DNAH11: variants seen among roughly 807,000 people sequenced by gnomAD.
DNAH11 encodes dynein axonemal heavy chain 11.
Under a neutral mutation model 526.0 loss-of-function variants are expected in DNAH11, and 442 were observed. The observed-to-expected ratio is 0.84, with a 90% CI of 0.78 to 0.91. The LOEUF is 0.91. Ranked by LOEUF, DNAH11 falls within the 40% of genes least tolerant of loss-of-function variation. The pLI, the probability that DNAH11 is intolerant of heterozygous loss-of-function variation, is 0.00. For missense variants in DNAH11, 6,989 were observed against 5,448.7 expected, an observed-to-expected ratio of 1.28 and a Z score of -8.90; for synonymous variants, 2,461 against 1,935.9, an observed-to-expected ratio of 1.27 and a Z score of -7.12.
chr7:21,808,075 G>T (rs1400543072), intron 63 of DNAH11, 26 bp downstream of exon 63: 1 of 1,394,744 alleles, frequency 7.2e-7, no homozygotes, highest in Non-Finnish European at 9.5e-7. Flanking sequence ...TACCTTGTCA[G>T]CAGGTAGAAA....
At chr7:21,834,451 C>A (rs1781914078) in intron 65 of DNAH11, among the ~76,000 whole-genome samples, 1 of 151,964 alleles carries the variant, frequency 6.6e-6, no homozygotes, top group Non-Finnish European at 1.5e-5. Flanking sequence ...ACAAACTAAA[C>A]CCAAAATTAG....
In DNAH11 at chr7:21,779,118, C is replaced by G. The variant is rs776804231; in HGVS notation, c.9483+14C>G. The G allele has an allele frequency of 5.0e-6, 8 of 1,608,192 alleles. No individual in the cohort carries two copies. The highest frequency in any genetic ancestry group is 4.0e-5 in the African/African-American group (3 of 74,890). On this transcript the variant is annotated intron_variant, in intron 57 of 81. Transcript: ENST00000409508. ...GAGGAGCGAAAGGTCAGGCTAATTC[C>G]AACATTTAGAGTGCGGAGCTATATT...
rs556828049 is a variant in DNAH11 at position 21,690,789 on chromosome 7, C to T, written c.5949C>T (p.Ile1983=). The stretch of plus-strand genomic sequence containing the variant: ...GATTTGTATTTCTTGGGGAAGCTAT[C>T]ACACTGAAGCCATCAGTTGGAATAT... ...KKRFVFLGEA[I]TLKPSVGIFI... Residue 1983 remains isoleucine, a synonymous_variant, in exon 35 of 82, where the codon ATC becomes ATT. Transcript: ENST00000409508. 1.2e-6 allele frequency: 2 copies of T among 1,609,652 alleles called. No homozygotes were observed. Among genetic ancestry groups the T allele is most frequent in the Admixed American group, 1.7e-5 (1 of 59,134 alleles).
At position 21,704,321 on chromosome 7, in the gene DNAH11, G is replaced by A. The variant is rs1344336125; in HGVS notation, c.6274-113G>A. On this transcript the variant is annotated intron_variant, in intron 37 of 81. Coordinates refer to ENST00000409508, the MANE Select transcript of DNAH11 (RefSeq NM_001277115.2). ...TAGAATGCCATCTTAATGGAGAACA[G>A]TACCAATATCTCATGCTTCACATAT... 4.7e-6 allele frequency: 5 copies of A among 1,059,346 alleles called. No homozygotes were observed. The Admixed American group carries it at 1.0e-4, about 22-fold the overall frequency. The allele number at this position is 1,059,346 out of a possible 1,614,324, so 65.6% of individuals were successfully genotyped here. A position where few individuals can be genotyped will look rare whatever the true frequency, so the allele number is the denominator to read the frequency against.
At chr7:21,570,511 A>G (rs933570976) in intron 7 of DNAH11, 3 of 439,548 alleles carry the variant, frequency 6.8e-6, no homozygotes, top group African/African-American at 4.1e-5. Flanking sequence ...TTCATTTTTG[A>G]TTCCATTATT....
intron 74 of DNAH11, among the ~76,000 whole-genome samples, chr7:21,878,409 G>A (rs999357719): frequency 2.0e-5 from 3 of 152,170 alleles, no homozygotes; most frequent in Non-Finnish European, 4.4e-5. Flanking sequence ...TGATTTGTTA[G>A]ATCATAATTC....
At chr7:21,656,054 A>C in intron 29 of DNAH11, 73 bp downstream of exon 29, 3 of 1,456,796 alleles carry the variant, frequency 2.1e-6, no homozygotes, top group Admixed American at 5.1e-5. Context: ...TGAGTTCAAC[A>C]AGCAAAAAAT....
In DNAH11 at chr7:21,561,019, T is replaced by C. The variant is rs1783436841; in HGVS notation, c.883-52T>C. On this transcript the variant is annotated intron_variant, in intron 4 of 81. Transcript: ENST00000409508. ...TATTTTATTACAGAATGCATGTATT[T>C]AGTAATCGAGTTTATATTTATTAAA... The C allele has an allele frequency of 8.1e-6, 10 of 1,238,510 alleles. No individual in the cohort carries two copies. In the East Asian group the frequency reaches 2.5e-4, roughly 31 times the overall value. The allele number at this position is 1,238,510 out of a possible 1,614,324, so 76.7% of individuals were successfully genotyped here.
At chr7:21,878,954 C>G (rs976709085) in intron 74 of DNAH11, among the ~76,000 whole-genome samples, 5 of 152,206 alleles carry the variant, frequency 3.3e-5, no homozygotes, top group African/African-American at 1.2e-4. Context: ...TCTTCCTCCC[C>G]TGTTGCTCAA....
chr7:21,589,104 T>G lies in DNAH11; in HGVS notation c.1974-104T>G, dbSNP rs922599453. ...GGTCTTGACTGTTTCTCTTCCTGGT[T>G]GTTTATAGTGTATTATATTTTATAT... On this transcript the variant is annotated intron_variant, in intron 11 of 81. Coordinates refer to ENST00000409508, the MANE Select transcript of DNAH11 (RefSeq NM_001277115.2). The G allele has an allele frequency of 2.5e-5, 22 of 864,704 alleles. No individual in the cohort carries two copies. The African/African-American group carries it at 2.9e-4, about 11-fold the overall frequency. 53.6% of individuals were successfully genotyped at this position (864,704 alleles called of 1,614,324 possible). A position where few individuals can be genotyped will look rare whatever the true frequency, so the allele number is the denominator to read the frequency against.
chr7:21,849,507 G>C (rs1022883127), intron 66 of DNAH11, among the ~76,000 whole-genome samples: 2 of 152,154 alleles, frequency 1.3e-5, no homozygotes, highest in Admixed American at 6.5e-5. Context: ...CAGGTCTACT[G>C]ACAACAAAAT....
At chr7:21,854,506 T>A (rs1297152100) in intron 68 of DNAH11, 51 bp downstream of exon 68, 1 of 1,537,564 alleles carries the variant, frequency 6.5e-7, no homozygotes, top group East Asian at 2.3e-5. Context: ...GTTCAATTTG[T>A]TTCTGGAACA....
At chr7:21,900,159 A>C (rs1317981685) in intron 81 of DNAH11, 39 bp downstream of exon 81, 3 of 1,577,274 alleles carry the variant, frequency 1.9e-6, no homozygotes, top group Non-Finnish European at 1.7e-6. Context: ...ACCTTTTCTT[A>C]CTCAGGTTCA....
chr7:21,851,755 G>C, intron 66 of DNAH11: 1 of 439,240 alleles, frequency 2.3e-6, no homozygotes, highest in Admixed American at 2.6e-5. Flanking sequence ...GTGTTTGCCT[G>C]TTTTTAGGAT....
intron 25 of DNAH11, among the ~76,000 whole-genome samples, chr7:21,633,542 AT>A (rs1786718634): frequency 6.6e-6 from 1 of 152,100 alleles, no homozygotes; most frequent in Non-Finnish European, 1.5e-5. Context: ...TTAAATTGTG[AT>A]TTTTTACTTT....
At position 21,725,977 on chromosome 7, in the gene DNAH11, C is replaced by A; in HGVS notation, c.7433C>A (p.Pro2478His). 6.4e-7 allele frequency: 1 copy of A among 1,551,182 alleles called. No homozygotes were observed. Among genetic ancestry groups the A allele is most frequent in the African/African-American group, 1.4e-5 (1 of 73,162 alleles). Reference sequence around the variant, plus strand: ...CAGTTTACTATGGATCCAGATGTGCCTCTGCAGGTAGGTGTGTGGAACATA... The same window carrying A: ...CAGTTTACTATGGATCCAGATGTGCATCTGCAGGTAGGTGTGTGGAACATA... Reference protein sequence around the residue: ...IAQFTMDPDVPLQTVLVHTTE... With the variant: ...IAQFTMDPDVHLQTVLVHTTE... Residue 2478 changes from proline (P) to histidine (H), a missense_variant, in exon 45 of 82, where the codon CCT becomes CAT. Physicochemically the swap from Pro to His is moderately conservative, Grantham distance 77 (BLOSUM62 -2). Coordinates refer to ENST00000409508, the MANE Select transcript of DNAH11 (RefSeq NM_001277115.2).
At chr7:21,656,070 C>A in intron 29 of DNAH11, 89 bp downstream of exon 29, 1 of 1,410,830 alleles carries the variant, frequency 7.1e-7, no homozygotes, top group South Asian at 1.7e-5. Flanking sequence ...AAAATTCAAC[C>A]CAGGTCAAAT....
rs765536261 is a variant in DNAH11 at position 21,801,088 on chromosome 7, C to T, written c.10027-49C>T. 1.9e-6 allele frequency: 3 copies of T among 1,552,968 alleles called. No individual in the cohort carries two copies. In the South Asian group the frequency reaches 3.6e-5, roughly 18 times the overall value. On this transcript the variant is annotated intron_variant, in intron 61 of 81. Transcript: ENST00000409508. ...AGATGTTTTAAGATGATGGTAATCT[C>T]TCTGTTTTAACTAAAAATGACTCAA...
At chr7:21,714,162 G>T (rs887654604) in intron 42 of DNAH11, among the ~76,000 whole-genome samples, 3 of 152,298 alleles carry the variant, frequency 2.0e-5, no homozygotes, top group Admixed American at 2.0e-4. Context: ...CCTAAAGAAG[G>T]ACTTCTATGC....
Sources: allele counts gnomAD v4.1 joint callset (sites outside exome capture counted in the v4.1 genomes callset), GRCh38; gene constraint gnomAD v4.1.1; transcripts MANE v1.5; gene names NCBI Gene and HGNC (gene_info 2026-07-23, HGNC 2026-07-21).